The following DLG2 variants were observed in gnomAD, a reference collection of about 807,000 sequenced individuals.
DLG2 encodes disks large homolog 2.
DLG2 carries 45 observed loss-of-function variants against 132.5 expected under a neutral mutation model. That is an observed-to-expected ratio of 0.34 (90% CI 0.27 to 0.44). The LOEUF (loss-of-function observed/expected upper bound fraction) is 0.44, where lower values mean the gene tolerates loss of function less well. Among genes scored for constraint, DLG2 ranks in the 20% least tolerant of loss-of-function variants. DLG2 has a pLI of 1.00. For missense variants in DLG2, 1,045 were observed against 1,196.9 expected, an observed-to-expected ratio of 0.87 and a Z score of 1.87; for synonymous variants, 424 against 419.6, an observed-to-expected ratio of 1.01 and a Z score of -0.13.
chr11:84,268,324 G>C (rs1349455339), intron 7 of DLG2, among the ~76,000 whole-genome samples: 1 of 152,070 alleles, frequency 6.6e-6, no homozygotes, highest in Admixed American at 6.5e-5. Context: ...CTGCAATATA[G>C]TTTTCTTGGT....
chr11:85,364,145 T>C (rs767546927), intron 3 of DLG2, among the ~76,000 whole-genome samples: 36 of 152,250 alleles, frequency 2.4e-4, no homozygotes, highest in Admixed American at 5.9e-4. Flanking sequence ...TTTCTACTTA[T>C]AGAAAAAAAA....
chr11:84,929,234 T>C (rs759177808), intron 6 of DLG2, among the ~76,000 whole-genome samples: 24 of 151,320 alleles, frequency 1.6e-4, no homozygotes, highest in Non-Finnish European at 3.5e-4. Context: ...CTTTTAATTG[T>C]AAAGCCCAGA....
intron 6 of DLG2, among the ~76,000 whole-genome samples, chr11:84,961,602 C>G (rs970735078): frequency 6.0e-5 from 9 of 150,606 alleles, no homozygotes; most frequent in African/African-American, 2.2e-4. Flanking sequence ...TTTGTAAGCA[C>G]TTGTTTGTTC....
At chr11:85,261,987 G>T (rs1450564875) in intron 4 of DLG2, among the ~76,000 whole-genome samples, 2 of 152,118 alleles carry the variant, frequency 1.3e-5, no homozygotes, top group Non-Finnish European at 2.9e-5. Flanking sequence ...AGAGAAAAAA[G>T]TTCATCTAAA....
intron 6 of DLG2, among the ~76,000 whole-genome samples, chr11:84,831,746 T>G (rs1326672914): frequency 6.6e-6 from 1 of 151,694 alleles, no homozygotes; most frequent in African/African-American, 2.4e-5. Flanking sequence ...AATATTTAAA[T>G]GGAAGGCAAA....
intron 5 of DLG2, among the ~76,000 whole-genome samples, chr11:85,151,710 A>G (rs919713604): frequency 1.8e-4 from 28 of 152,092 alleles, no homozygotes; most frequent in African/African-American, 2.9e-4. Context: ...GCAAGGGTCT[A>G]TTTCTGGGAT....
intron 6 of DLG2, among the ~76,000 whole-genome samples, chr11:84,574,620 T>C (rs986791401): frequency 2.6e-5 from 4 of 152,182 alleles, no homozygotes; most frequent in Non-Finnish European, 4.4e-5. Context: ...CATAAATCCA[T>C]CCAGAAGAAA....
At chr11:83,643,239 T>C (rs1196584122) in intron 18 of DLG2, among the ~76,000 whole-genome samples, 1 of 152,214 alleles carries the variant, frequency 6.6e-6, no homozygotes. Context: ...TGGAATTAGA[T>C]TCCTGTCTTA....
chr11:85,238,205 TTTTATTTATTTA>T (rs141877580), intron 4 of DLG2, among the ~76,000 whole-genome samples: 5,331 of 125,938 alleles, frequency 0.042, 153 homozygotes, highest in African/African-American at 0.07. Flanking sequence ...TTTATTTTTA[TTTTATTTATTTA>T]TTTATTTATT....
chr11:85,619,139 T>C (rs2081533027), intron 2 of DLG2, among the ~76,000 whole-genome samples: 1 of 152,350 alleles, frequency 6.6e-6, no homozygotes, highest in Non-Finnish European at 1.5e-5. Context: ...TATTTTACAA[T>C]ATCAAGAGTC....
At chr11:83,603,256 T>C (rs1002466665) in intron 19 of DLG2, among the ~76,000 whole-genome samples, 2 of 152,194 alleles carry the variant, frequency 1.3e-5, no homozygotes, top group African/African-American at 4.8e-5. Context: ...TTTTATATAA[T>C]TTCCTTCCTA....
intron 7 of DLG2, among the ~76,000 whole-genome samples, chr11:84,511,642 T>G (rs1428142429): frequency 2.6e-5 from 4 of 152,196 alleles, no homozygotes; most frequent in Admixed American, 2.0e-4. Flanking sequence ...ACTGCTTATT[T>G]GAATGCTAAC....
At chr11:84,711,329 TAAGAGAGAGAGAGAGAGAGA>T (rs1565736433) in intron 6 of DLG2, among the ~76,000 whole-genome samples, 5 of 42,294 alleles carry the variant, frequency 1.2e-4, no homozygotes, top group Admixed American at 3.1e-4. Flanking sequence ...ACAGAACCAG[TAAGAGAGAGAGAGAGAGAGA>T]GAGAGAGAGA....
chr11:83,550,227 C>G (rs2096355286), intron 19 of DLG2, among the ~76,000 whole-genome samples: 1 of 152,166 alleles, frequency 6.6e-6, no homozygotes, highest in Admixed American at 6.6e-5. Flanking sequence ...ACCAGAAGCC[C>G]TTACAGGTTG....
At chr11:85,522,810 C>T (rs2074421154) in intron 3 of DLG2, among the ~76,000 whole-genome samples, 1 of 152,158 alleles carries the variant, frequency 6.6e-6, no homozygotes, top group Admixed American at 6.5e-5. Flanking sequence ...TGCCTGTACC[C>T]CCATTGAATC....
intron 5 of DLG2, among the ~76,000 whole-genome samples, chr11:85,136,566 G>C (rs1214211362): frequency 6.6e-6 from 1 of 152,106 alleles, no homozygotes; most frequent in East Asian, 1.9e-4. Flanking sequence ...CAGCCTGCAA[G>C]CTGCTTTACT....
intron 18 of DLG2, among the ~76,000 whole-genome samples, chr11:83,653,445 T>G (rs2071255022): frequency 6.6e-6 from 1 of 152,236 alleles, no homozygotes. Flanking sequence ...CGTTACTATT[T>G]GTATGCATTT....
At chr11:84,714,526 CCTCTTTCTCTTTCTCTTTCTCTTTCTCT>C (rs2060809619) in intron 6 of DLG2, among the ~76,000 whole-genome samples, 2 of 133,692 alleles carry the variant, frequency 1.5e-5, no homozygotes, top group Admixed American at 1.4e-4. Flanking sequence ...CAACCCATTT[CCTCTTTCTCTTTCTCTTTCTCTTTCTCT>C]CTCTTTCTCT....
At chr11:83,509,964 G>A (rs922381555) in intron 21 of DLG2, among the ~76,000 whole-genome samples, 1 of 152,152 alleles carries the variant, frequency 6.6e-6, no homozygotes, top group African/African-American at 2.4e-5. Flanking sequence ...CTTTGCTTGT[G>A]GGGCTTAATG....
Sources: gnomAD v4.1 joint callset for allele counts (sites outside exome capture counted in the v4.1 genomes callset) on GRCh38, gnomAD v4.1.1 for gene constraint, MANE v1.5 for transcripts, NCBI Gene and HGNC (gene_info 2026-07-23, HGNC 2026-07-21) for gene names.